PCGF3: variants seen among roughly 807,000 people sequenced by gnomAD.
The protein encoded by PCGF3 is polycomb group ring finger 3, also known as polycomb group RING finger protein 3.
A neutral mutation model predicts 33.1 loss-of-function variants in PCGF3; 7 were observed. The ratio of observed to expected loss-of-function variants is 0.21; its 90% CI spans 0.12 to 0.40. PCGF3 has a LOEUF of 0.40. PCGF3 is among the 10% of genes least tolerant of loss of function. The pLI is 1.00. For missense variants in PCGF3, 211 were observed against 313.3 expected (o/e 0.67, Z 2.46); for synonymous variants, 153 against 121.3 (o/e 1.26, Z -1.72).
chr4:723,122 G>A (rs1458568983), intron 1 of PCGF3, among the ~76,000 whole-genome samples: 4 of 139,612 alleles, frequency 2.9e-5, no homozygotes, highest in African/African-American at 8.3e-5. Context: ...ATCGCCGTCC[G>A]TGCCGGGTCC....
At chr4:732,333 C>T (rs1242803109) in intron 3 of PCGF3, 124 of 140,856 alleles carry the variant, frequency 8.8e-4, no homozygotes, top group African/African-American at 3.0e-3. Flanking sequence ...CCTCCCCTTC[C>T]CTCCTCCCCT....
rs150647121 is a variant in PCGF3, at chr4:720,229, C to T, written c.-189-10401C>T. On this transcript the variant is annotated intron_variant, in intron 1 of 10. Transcript: ENST00000362003. This position sits in a 1 kb window ranked among gnomAD's most constrained non-coding sequence, Gnocchi z 5.6. ...CAGGTGGCACACAGCACCTGTGTGC[C>T]GCTGGGGAGGGTGACCGCGGGAGGA... 6.7e-3 allele frequency among the ~76,000 whole-genome samples: 1,025 copies of T among 152,114 alleles called. 13 individuals are homozygous for T. The highest frequency in any genetic ancestry group is 0.023 in the African/African-American group (959 of 41,492).
At chr4:766,071 T>C (rs1271162576) in exon 11 of PCGF3, 1 of 1,614,006 alleles carries the variant, frequency 6.2e-7, no homozygotes, top group Admixed American at 1.7e-5. Flanking sequence ...CAAGATGGAC[T>C]TGCTGTGAAT....
At chr4:739,664 C>T (rs1743999878) in intron 6 of PCGF3, among the ~76,000 whole-genome samples, 1 of 152,232 alleles carries the variant, frequency 6.6e-6, no homozygotes, top group Admixed American at 6.5e-5. Context: ...GGGCAGGTGT[C>T]GTCCATGTGC....
At chr4:768,157 G>T (rs1745461351) in exon 11 of PCGF3, 2 of 152,808 alleles carry the variant, frequency 1.3e-5, no homozygotes, top group Non-Finnish European at 2.9e-5. Context: ...TGGCGCCCGT[G>T]TCGATGTCTT....
At chr4:752,455 C>A (rs1350286925) in intron 8 of PCGF3, among the ~76,000 whole-genome samples, 2 of 152,238 alleles carry the variant, frequency 1.3e-5, no homozygotes, top group East Asian at 3.8e-4. Context: ...CGGCGGGTTT[C>A]ATGGATGCAC....
intron 9 of PCGF3, among the ~76,000 whole-genome samples, chr4:763,265 C>T (rs1745169497): frequency 6.6e-6 from 1 of 152,156 alleles, no homozygotes; most frequent in South Asian, 2.1e-4. Context: ...CCGAGGAAGT[C>T]CTTGGATTTT....
At chr4:768,679 G>A (rs1329458301) in exon 11 of PCGF3, 1 of 152,352 alleles carries the variant, frequency 6.6e-6, no homozygotes, top group Non-Finnish European at 1.5e-5. Flanking sequence ...GATTTGGGGG[G>A]TTAAAAAAGA....
At chr4:752,133 T>C (rs1577432740) in intron 8 of PCGF3, among the ~76,000 whole-genome samples, 1 of 152,204 alleles carries the variant, frequency 6.6e-6, no homozygotes, top group Non-Finnish European at 1.5e-5. Context: ...CCTGCACAGG[T>C]GAATGGCGTT....
intron 6 of PCGF3, among the ~76,000 whole-genome samples, chr4:742,752 G>A (rs139244406): frequency 1.1e-4 from 16 of 152,280 alleles, no homozygotes; most frequent in Admixed American, 5.9e-4. Context: ...CCCGTCTGCC[G>A]CCGGGCAGTC....
Position 715,246 on chromosome 4 carries a change from G to A in PCGF3, c.-190+9276G>A, listed in dbSNP as rs533242312. Among the ~76,000 whole-genome samples, 2 of 143,176 alleles carry A rather than the reference G, an allele frequency of 1.4e-5. 1 individual carries two copies. The highest frequency in any genetic ancestry group is 1.4e-4 in the Admixed American group (2 of 14,308). 93.9% of individuals were successfully genotyped at this position (143,176 alleles called of 152,430 possible). ...GGGACCCTGTAGACACTGAGTGTGA[G>A]AACTGGGTGTCGGTGCTGGGACCCT... On this transcript the variant is annotated intron_variant, in intron 1 of 10. Transcript: ENST00000362003.
At chr4:728,814 G>A (rs1267400588) in intron 1 of PCGF3, among the ~76,000 whole-genome samples, 2 of 152,062 alleles carry the variant, frequency 1.3e-5, no homozygotes, top group African/African-American at 4.8e-5. Flanking sequence ...AAATTCGTTC[G>A]GTTGGCCGGG....
exon 11 of PCGF3, chr4:767,414 T>A (rs1745431970): frequency 6.6e-6 from 1 of 152,194 alleles, no homozygotes; most frequent in Non-Finnish European, 1.5e-5. Context: ...GTCCTGCAGT[T>A]GTCATTGTCT....
intron 1 of PCGF3, among the ~76,000 whole-genome samples, chr4:727,233 C>CTTTTTTTTTTTTTTTTTTTTTT (rs57690550): frequency 1.6e-5 from 1 of 61,892 alleles, no homozygotes; most frequent in East Asian, 5.9e-4. Context: ...TAGCGAGCGT[C>CTTTTTTTTTTTTTTTTTTTTTT]TTTTTTTTTT....
intron 5 of PCGF3, 46 bp downstream of exon 5, chr4:735,073 C>A: frequency 6.3e-7 from 1 of 1,577,256 alleles, no homozygotes; most frequent in East Asian, 2.3e-5. Context: ...GTGAGTGCCC[C>A]TGGGCGTCTC....
At position 734,081 on chromosome 4, in the gene PCGF3, A is replaced by G. The variant is rs1176775735; in HGVS notation, c.109+292A>G. 4 of 1,550,580 alleles carry G rather than the reference A, an allele frequency of 2.6e-6. No individual in the cohort carries two copies. The African/African-American group carries it at 4.1e-5, about 16-fold the overall frequency. ...GCCAGTAGCCGCTGTGACAGTGCTC[A>G]CTGCTGGCAGTTTCCAAATCTCCAG... is the stretch of plus-strand genomic sequence containing the variant. On this transcript the variant is annotated intron_variant, in intron 4 of 10. Coordinates refer to ENST00000362003, the Ensembl canonical transcript of PCGF3.
intron 3 of PCGF3, among the ~76,000 whole-genome samples, chr4:732,229 C>A (rs1241911431): frequency 6.8e-6 from 1 of 147,082 alleles, no homozygotes; most frequent in East Asian, 2.1e-4. Context: ...TCCTTAGGGG[C>A]GTAGGGTGGG....
chr4:766,147 G>C, exon 11 of PCGF3: 1 of 1,308,206 alleles, frequency 7.6e-7, no homozygotes, highest in South Asian at 1.2e-5. Flanking sequence ...CCGCGCTTAA[G>C]AACATTGCCT....
chr4:708,900 G>A (rs991409657), intron 1 of PCGF3, among the ~76,000 whole-genome samples: 2 of 152,226 alleles, frequency 1.3e-5, no homozygotes, highest in African/African-American at 2.4e-5. Context: ...AGTAAGGGAA[G>A]GAATTAAAGG....
Sources: allele counts gnomAD v4.1 joint callset (sites outside exome capture counted in the v4.1 genomes callset), GRCh38; gene constraint gnomAD v4.1.1; non-coding constraint Gnocchi (gnomAD v3.1); transcripts MANE v1.5; gene names NCBI Gene and HGNC (gene_info 2026-07-23, HGNC 2026-07-21).